AMPH: variants seen among roughly 807,000 people sequenced by gnomAD.
The protein encoded by AMPH is amphiphysin (Stiff-Mann syndrome with breast cancer 128kD autoantigen).
AMPH carries 49 observed loss-of-function variants against 99.1 expected under a neutral mutation model. The observed-to-expected ratio is 0.49, with a 90% CI of 0.39 to 0.63. AMPH has a LOEUF of 0.63. AMPH is among the 20% of genes least tolerant of loss of function. The pLI, the probability that AMPH is intolerant of heterozygous loss-of-function variation, is 0.00. For missense variants in AMPH, 759 were observed against 863.4 expected (o/e 0.88, Z 1.52); for synonymous variants, 314 against 317.3 (o/e 0.99, Z 0.11).
intron 1 of AMPH, among the ~76,000 whole-genome samples, chr7:38,549,174 CT>C (rs1365952075): frequency 6.6e-6 from 1 of 152,218 alleles, no homozygotes; most frequent in Non-Finnish European, 1.5e-5. Context: ...TTATTTCTAG[CT>C]GCTGTATCAA....
At chr7:38,578,493 G>C (rs1364219520) in intron 1 of AMPH, among the ~76,000 whole-genome samples, 1 of 152,150 alleles carries the variant, frequency 6.6e-6, no homozygotes, top group African/African-American at 2.4e-5. Flanking sequence ...GAACTGCAGA[G>C]CCTCACATCT....
At chr7:38,529,994 T>C (rs1386053393) in intron 2 of AMPH, among the ~76,000 whole-genome samples, 2 of 152,200 alleles carry the variant, frequency 1.3e-5, no homozygotes, top group Non-Finnish European at 2.9e-5. Flanking sequence ...TATATGTACA[T>C]ATACCAGGTT....
chr7:38,571,384 TTA>T lies in AMPH; in HGVS notation c.70-36375_70-36374del, dbSNP rs1363706762. ...ATAGAATATATATATTTTTATATAT[TTA>T]TATATATTCTATATATATAGAATAT... On this transcript the variant is annotated intron_variant, in intron 1 of 20. Transcript: ENST00000356264. 3.1e-4 allele frequency among the ~76,000 whole-genome samples: 22 copies of T among 70,388 alleles called. No individual in the cohort carries two copies. The South Asian group carries it at 5.8e-3, about 19-fold the overall frequency. 46.2% of individuals were successfully genotyped at this position (70,388 alleles called of 152,430 possible). A position where few individuals can be genotyped will look rare whatever the true frequency, so the allele number is the denominator to read the frequency against.
In AMPH at chr7:38,475,351, CT is replaced by C. The variant is rs780772557; in HGVS notation, c.569del (p.Glu190GlyfsTer41). 1 of 1,612,658 alleles carries C rather than the reference CT, an allele frequency of 6.2e-7. No individual in the cohort carries two copies. The highest frequency in any genetic ancestry group is 8.5e-7 in the Non-Finnish European group (1 of 1,179,024). ...FEEFNVDLQE[E>X]LPSLWSRRVG... ...TTTACCTTGACCATAATGATGGTAA[CT>C]CTTCTTGTAAGTCAACGTTAAACTC... On this transcript the variant is annotated frameshift_variant, in exon 7 of 21. Coordinates refer to ENST00000356264, the MANE Select transcript of AMPH (RefSeq NM_001635.4). LOFTEE classifies it high-confidence loss of function.
chr7:38,391,519 G>T (rs1784492454), intron 19 of AMPH, among the ~76,000 whole-genome samples: 1 of 152,142 alleles, frequency 6.6e-6, no homozygotes, highest in South Asian at 2.1e-4. Context: ...TCATTACCCA[G>T]GGGCATACTG....
chr7:38,506,801 T>C (rs1240008791), intron 2 of AMPH, among the ~76,000 whole-genome samples: 1 of 152,190 alleles, frequency 6.6e-6, no homozygotes, highest in Non-Finnish European at 1.5e-5. Context: ...GATAAAAAAA[T>C]AGCATGGGGA....
intron 11 of AMPH, among the ~76,000 whole-genome samples, chr7:38,445,817 G>A (rs758846760): frequency 1.2e-4 from 19 of 152,196 alleles, no homozygotes; most frequent in Admixed American, 1.3e-4. Context: ...GGTAGGGTCT[G>A]GTGGGAGATG....
At chr7:38,572,879 C>A (rs1407597631) in intron 1 of AMPH, among the ~76,000 whole-genome samples, 1 of 152,154 alleles carries the variant, frequency 6.6e-6, no homozygotes. Flanking sequence ...GAAGCGTGAG[C>A]ATGGCCTCTG....
intron 17 of AMPH, among the ~76,000 whole-genome samples, chr7:38,407,021 C>CTCTCTCT (rs1785032263): frequency 2.7e-4 from 1 of 3,712 alleles, no homozygotes; most frequent in African/African-American, 8.2e-4. Context: ...CTAATAGACT[C>CTCTCTCT]CTCTCTCTCT....
At chr7:38,462,655 G>C (rs1360363813) in intron 10 of AMPH, among the ~76,000 whole-genome samples, 1 of 152,124 alleles carries the variant, frequency 6.6e-6, no homozygotes, top group Non-Finnish European at 1.5e-5. Context: ...TTCATGCAGA[G>C]GTAGGATTTA....
At chr7:38,429,302 G>A (rs1785908451) in intron 14 of AMPH, 1 of 1,287,452 alleles carries the variant, frequency 7.8e-7, no homozygotes, top group South Asian at 1.2e-5. Flanking sequence ...CTGGCCCCGG[G>A]GCATGCTCAC....
chr7:38,499,842 G>A (rs769944573), intron 3 of AMPH, among the ~76,000 whole-genome samples: 7 of 152,264 alleles, frequency 4.6e-5, no homozygotes, highest in South Asian at 2.1e-4. Flanking sequence ...TGCTGTTCTC[G>A]TGATAGTGAA....
At chr7:38,460,336 T>C (rs1787392332) in intron 11 of AMPH, among the ~76,000 whole-genome samples, 1 of 152,126 alleles carries the variant, frequency 6.6e-6, no homozygotes. Context: ...ATCCCATTAT[T>C]GGGTACTTAT....
chr7:38,571,539 T>C lies in AMPH; in HGVS notation c.70-36528A>G, dbSNP rs868625133. ...TATATTCTATAAAATATATATATTC[T>C]GTATAAATATATATATTTATACTTA... On this transcript the variant is annotated intron_variant, in intron 1 of 20. Coordinates refer to ENST00000356264, the MANE Select transcript of AMPH (RefSeq NM_001635.4). Among the ~76,000 whole-genome samples, 19 of 137,884 alleles carry C rather than the reference T, an allele frequency of 1.4e-4. 1 individual carries two copies. The Middle Eastern group carries it at 0.02, about 149-fold the overall frequency. 90.5% of individuals were successfully genotyped at this position (137,884 alleles called of 152,430 possible). A position where few individuals can be genotyped will look rare whatever the true frequency, so the allele number is the denominator to read the frequency against.
intron 1 of AMPH, among the ~76,000 whole-genome samples, chr7:38,586,890 GGC>G (rs1792670989): frequency 6.6e-6 from 1 of 152,192 alleles, no homozygotes; most frequent in Non-Finnish European, 1.5e-5. Flanking sequence ...GAGATTTCAT[GGC>G]TTGTTCAGCA....
intron 5 of AMPH, among the ~76,000 whole-genome samples, chr7:38,489,187 C>T (rs1466660115): frequency 6.6e-6 from 1 of 152,028 alleles, no homozygotes; most frequent in African/African-American, 2.4e-5. Flanking sequence ...GAAGTAAATC[C>T]ACAAATATTC....
chr7:38,558,964 A>G (rs887622686), intron 1 of AMPH, among the ~76,000 whole-genome samples: 1 of 152,238 alleles, frequency 6.6e-6, no homozygotes, highest in Non-Finnish European at 1.5e-5. Context: ...GCAGCAACAT[A>G]CCAAACAGGA....
chr7:38,475,495 G>A, intron 6 of AMPH, 79 bp from the exon 7 acceptor site: 1 of 937,784 alleles, frequency 1.1e-6, no homozygotes. Flanking sequence ...TGTAAAATAA[G>A]AATAGTCTTA....
At chr7:38,557,725 C>T (rs977420493) in intron 1 of AMPH, among the ~76,000 whole-genome samples, 1 of 152,012 alleles carries the variant, frequency 6.6e-6, no homozygotes, top group Non-Finnish European at 1.5e-5. Flanking sequence ...CAAAGGCCCT[C>T]CTCCATGGAA....
Sources: allele counts gnomAD v4.1 joint callset (sites outside exome capture counted in the v4.1 genomes callset), GRCh38; gene constraint gnomAD v4.1.1; transcripts MANE v1.5; gene names NCBI Gene and HGNC (gene_info 2026-07-23, HGNC 2026-07-21).